CATSPERB: variants seen among roughly 807,000 people sequenced by gnomAD.
The protein encoded by CATSPERB is catsper channel auxiliary subunit beta.
In CATSPERB, 93 loss-of-function variants were observed where a neutral mutation model predicts 128.3. That is an observed-to-expected ratio of 0.72 (90% confidence interval 0.61 to 0.86). The LOEUF is 0.86. Among genes scored for constraint, CATSPERB ranks in the 40% least tolerant of loss-of-function variants. The pLI, the probability that CATSPERB is intolerant of heterozygous loss-of-function variation, is 0.00. For missense variants in CATSPERB, 1,153 were observed against 1,329.5 expected, an observed-to-expected ratio of 0.87 and a Z score of 2.06; for synonymous variants, 381 against 448.8, an observed-to-expected ratio of 0.85 and a Z score of 1.91.
At chr14:91,690,703 T>C (rs1448571799) in intron 10 of CATSPERB, among the ~76,000 whole-genome samples, 1 of 152,268 alleles carries the variant, frequency 6.6e-6, no homozygotes, top group African/African-American at 2.4e-5. Context: ...ATTTGCTTCC[T>C]GAGAAATAAA....
chr14:91,628,159 G>T (rs1894204125), intron 17 of CATSPERB, among the ~76,000 whole-genome samples: 1 of 151,592 alleles, frequency 6.6e-6, no homozygotes, highest in African/African-American at 2.4e-5. Context: ...GTTTTGTTTT[G>T]TTTGGAAATT....
chr14:91,726,198 C>T (rs1380259344), intron 2 of CATSPERB, among the ~76,000 whole-genome samples: 1 of 152,214 alleles, frequency 6.6e-6, no homozygotes, highest in Non-Finnish European at 1.5e-5. Flanking sequence ...ACCAAGAAGG[C>T]ACTGAGCTGG....
intron 14 of CATSPERB, among the ~76,000 whole-genome samples, chr14:91,660,684 G>A (rs894331593): frequency 6.6e-6 from 1 of 152,092 alleles, no homozygotes; most frequent in African/African-American, 2.4e-5. Flanking sequence ...TTAATAACAA[G>A]TTATACAAGA....
chr14:91,727,125 T>G (rs1896130783), intron 2 of CATSPERB, among the ~76,000 whole-genome samples: 1 of 152,224 alleles, frequency 6.6e-6, no homozygotes, highest in Admixed American at 6.5e-5. Context: ...TTTCAAATGC[T>G]CAGAGAACTG....
chr14:91,584,591 C>T (rs955515430), intron 26 of CATSPERB, among the ~76,000 whole-genome samples: 3 of 152,196 alleles, frequency 2.0e-5, no homozygotes, highest in Admixed American at 2.0e-4. Context: ...GAGAAGTTCT[C>T]CTGACAATGG....
chr14:91,589,742 G>T, intron 23 of CATSPERB, 73 bp from the exon 24 acceptor site: 2 of 1,429,636 alleles, frequency 1.4e-6, no homozygotes, highest in Non-Finnish European at 1.9e-6. Flanking sequence ...GGTAAAAAAC[G>T]AAAAGATATA....
intron 24 of CATSPERB, 115 bp from the exon 25 acceptor site, chr14:91,588,193 T>C (rs948884440): frequency 6.1e-6 from 4 of 651,198 alleles, no homozygotes; most frequent in Non-Finnish European, 1.1e-5. Context: ...TACTATTTCA[T>C]TTGCAATTAC....
rs536112699 is a variant in CATSPERB at position 91,724,570 on chromosome 14, A to G, written c.168+510T>C. Among the ~76,000 whole-genome samples, 14 of 152,138 alleles carry G rather than the reference A, an allele frequency of 9.2e-5. No individual in the cohort carries two copies. In the East Asian group the frequency reaches 1.7e-3, roughly 19 times the overall value. On this transcript the variant is annotated intron_variant, in intron 3 of 26. Coordinates refer to ENST00000256343, the MANE Select transcript of CATSPERB (RefSeq NM_024764.4). ...ATCTGTGCATTTTTTATTAATGTATATTTTTGTTAGTATTTGCTGCATGAT... is the reference window on the plus strand; with the variant it reads ...ATCTGTGCATTTTTTATTAATGTATGTTTTTGTTAGTATTTGCTGCATGAT...
intron 4 of CATSPERB, among the ~76,000 whole-genome samples, chr14:91,719,924 C>A (rs1174197236): frequency 6.6e-6 from 1 of 152,128 alleles, no homozygotes; most frequent in African/African-American, 2.4e-5. Flanking sequence ...TGACCAAATT[C>A]TTGGGCAATA....
chr14:91,689,768 T>C (rs973271822), intron 10 of CATSPERB, among the ~76,000 whole-genome samples: 1 of 152,166 alleles, frequency 6.6e-6, no homozygotes, highest in Non-Finnish European at 1.5e-5. Context: ...TTTTGTCTTA[T>C]TTTAGTTTTT....
chr14:91,697,839 T>C (rs570826757), intron 7 of CATSPERB, among the ~76,000 whole-genome samples: 4 of 152,336 alleles, frequency 2.6e-5, no homozygotes, highest in South Asian at 4.1e-4. Context: ...TTCTTTTTGC[T>C]TAGGATTGCT....
chr14:91,669,041 T>C (rs1365368741), intron 14 of CATSPERB, among the ~76,000 whole-genome samples: 1 of 152,210 alleles, frequency 6.6e-6, no homozygotes, highest in Non-Finnish European at 1.5e-5. Flanking sequence ...CTCTTTTCTT[T>C]ATAAATTACC....
chr14:91,627,959 CAG>C (rs752727080), intron 17 of CATSPERB, among the ~76,000 whole-genome samples: 1 of 152,108 alleles, frequency 6.6e-6, no homozygotes, highest in Non-Finnish European at 1.5e-5. Context: ...GCCTGGGTAA[CAG>C]AGTGAGAATC....
chr14:91,726,362 G>T (rs550707010), intron 2 of CATSPERB, among the ~76,000 whole-genome samples: 8 of 152,172 alleles, frequency 5.3e-5, no homozygotes, highest in South Asian at 2.1e-4. Flanking sequence ...CTGCCCATCT[G>T]CATGCTCCCC....
intron 21 of CATSPERB, among the ~76,000 whole-genome samples, chr14:91,609,279 G>A (rs563578216): frequency 6.6e-6 from 1 of 152,050 alleles, no homozygotes; most frequent in African/African-American, 2.4e-5. Flanking sequence ...AACCCATGGT[G>A]TTATTTAAGG....
chr14:91,719,308 G>C, intron 5 of CATSPERB, 110 bp downstream of exon 5: 1 of 694,130 alleles, frequency 1.4e-6, no homozygotes, highest in East Asian at 3.0e-5. Flanking sequence ...TACCACATGG[G>C]GGATTTACAT....
At chr14:91,679,279 T>G (rs1895242115) in intron 11 of CATSPERB, among the ~76,000 whole-genome samples, 1 of 152,178 alleles carries the variant, frequency 6.6e-6, no homozygotes, top group South Asian at 2.1e-4. Context: ...TTTAAAGTTA[T>G]TAAAAATAAA....
At chr14:91,719,575 C>T (rs2139777744) in intron 4 of CATSPERB, 97 bp from the exon 5 acceptor site, 1 of 832,862 alleles carries the variant, frequency 1.2e-6, no homozygotes, top group East Asian at 2.8e-5. Flanking sequence ...TAAACAAAAA[C>T]ATCCAATGCA....
chr14:91,653,878 A>G (rs544091969), intron 15 of CATSPERB, among the ~76,000 whole-genome samples: 23 of 152,340 alleles, frequency 1.5e-4, no homozygotes, highest in Non-Finnish European at 3.1e-4. Flanking sequence ...CAGGTTTACC[A>G]CTTTCCAAGG....
Sources: allele counts gnomAD v4.1 joint callset (sites outside exome capture counted in the v4.1 genomes callset), GRCh38; gene constraint gnomAD v4.1.1; transcripts MANE v1.5; gene names NCBI Gene and HGNC (gene_info 2026-07-23, HGNC 2026-07-21).